Variants in DNAJC5B observed in about 807,000 individuals in gnomAD.
DNAJC5B encodes DnaJ heat shock protein family (Hsp40) member C5 beta.
A neutral mutation model predicts 24.7 loss-of-function variants in DNAJC5B; 23 were observed. The observed-to-expected ratio is 0.93, with a 90% CI of 0.67 to 1.32. The LOEUF is 1.32. DNAJC5B is among the 40% of genes most tolerant of loss of function. The probability of loss-of-function intolerance (pLI) is 0.00; values close to 1 mark genes in which losing one functional copy is unlikely to be tolerated. For missense variants in DNAJC5B, 238 were observed against 240.8 expected, an observed-to-expected ratio of 0.99 and a Z score of 0.08; for synonymous variants, 101 against 90.1, an observed-to-expected ratio of 1.12 and a Z score of -0.68.
chr8:66,033,627 G>C (rs1302520367), intron 1 of DNAJC5B, among the ~76,000 whole-genome samples: 1 of 152,188 alleles, frequency 6.6e-6, no homozygotes, highest in Admixed American at 6.5e-5. Flanking sequence ...GATCACAGGA[G>C]CAGAGGGTGA....
chr8:66,015,752 T>C, the DNAJC5B span, among the ~76,000 whole-genome samples: 4 of 152,124 alleles, frequency 2.6e-5, no homozygotes, highest in Admixed American at 6.5e-5. Flanking sequence ...CAGATGTGGA[T>C]GTATTTAGAG....
intron 2 of DNAJC5B, among the ~76,000 whole-genome samples, chr8:66,050,989 A>G (rs1034924269): frequency 6.6e-6 from 1 of 152,148 alleles, no homozygotes; most frequent in African/African-American, 2.4e-5. Flanking sequence ...TCTACTCCCT[A>G]GCGATTTTCA....
chr8:66,065,377 G>A (rs1807168563), intron 3 of DNAJC5B, among the ~76,000 whole-genome samples: 1 of 152,216 alleles, frequency 6.6e-6, no homozygotes, highest in Non-Finnish European at 1.5e-5. Context: ...GCTGGTCAAA[G>A]TACTTGAATC....
rs897058428 is a variant in DNAJC5B, at chr8:66,080,439, C to T, written c.396C>T (p.Cys132=). ...GCYFCCCLCC[C]CNCCCGHCRP... is the part of the protein sequence containing the mutation. ...ACTTTTGCTGCTGCCTGTGCTGCTGCTGCAACTGCTGCTGTGGACACTGCC... is the reference window on the plus strand; with the variant it reads ...ACTTTTGCTGCTGCCTGTGCTGCTGTTGCAACTGCTGCTGTGGACACTGCC... Residue 132 remains cysteine, a synonymous_variant, in exon 5 of 6, where the codon TGC becomes TGT. Transcript: ENST00000276570. 3.4e-5 allele frequency: 55 copies of T among 1,614,008 alleles called. No individual in the cohort carries two copies. The highest frequency in any genetic ancestry group is 4.2e-5 in the Non-Finnish European group (50 of 1,180,030).
intron 3 of DNAJC5B, among the ~76,000 whole-genome samples, chr8:66,074,757 C>A (rs1186908278): frequency 1.3e-5 from 2 of 152,190 alleles, no homozygotes; most frequent in African/African-American, 4.8e-5. Context: ...ATTGCACGAC[C>A]ACCTCCTTGA....
intron 3 of DNAJC5B, among the ~76,000 whole-genome samples, chr8:66,061,042 T>C (rs113996217): frequency 0.016 from 2,379 of 152,282 alleles, 52 homozygotes; most frequent in African/African-American, 0.054. Context: ...GCTGGAAGTT[T>C]TACATTCTCT....
At chr8:66,036,925 C>G (rs533054345) in intron 1 of DNAJC5B, among the ~76,000 whole-genome samples, 1 of 152,176 alleles carries the variant, frequency 6.6e-6, no homozygotes, top group Non-Finnish European at 1.5e-5. Flanking sequence ...GCCTGCCCTC[C>G]CACCCAGTCC....
chr8:66,029,889 G>T (rs1231770070), intron 1 of DNAJC5B, among the ~76,000 whole-genome samples: 1 of 152,078 alleles, frequency 6.6e-6, no homozygotes. Flanking sequence ...GTGGTCGAGA[G>T]CCCCTCAGAC....
intron 1 of DNAJC5B, among the ~76,000 whole-genome samples, chr8:66,032,838 A>C (rs1169386437): frequency 1.3e-5 from 2 of 152,170 alleles, no homozygotes; most frequent in Admixed American, 1.3e-4. Context: ...AACACTGTCT[A>C]GTTCTAAACA....
chr8:66,096,040 G>T (rs1482659348), intron 5 of DNAJC5B, among the ~76,000 whole-genome samples: 1 of 152,142 alleles, frequency 6.6e-6, no homozygotes, highest in African/African-American at 2.4e-5. Context: ...ATATTAGTTT[G>T]CTAAGGCAGC....
intron 1 of DNAJC5B, among the ~76,000 whole-genome samples, chr8:66,022,615 T>G (rs951972171): frequency 1.3e-5 from 2 of 152,230 alleles, no homozygotes; most frequent in Admixed American, 1.3e-4. Flanking sequence ...AGATGGATTC[T>G]CTATCCACAG....
intron 2 of DNAJC5B, among the ~76,000 whole-genome samples, chr8:66,044,465 G>A (rs534272570): frequency 5.9e-5 from 9 of 151,772 alleles, no homozygotes; most frequent in Admixed American, 1.3e-4. Context: ...TATAGGTGAA[G>A]CTTCTTTTGC....
chr8:66,068,957 C>A (rs992984176), intron 3 of DNAJC5B, among the ~76,000 whole-genome samples: 1 of 152,046 alleles, frequency 6.6e-6, no homozygotes, highest in African/African-American at 2.4e-5. Flanking sequence ...AAGAAGGTAA[C>A]TGATAACCTA....
At chr8:66,068,604 A>G (rs1196113740) in intron 3 of DNAJC5B, among the ~76,000 whole-genome samples, 1 of 124,750 alleles carries the variant, frequency 8.0e-6, no homozygotes, top group East Asian at 4.0e-4. Context: ...TAAAAAACAT[A>G]GAAGATTTAT....
chr8:66,038,913 G>C (rs1465278789), intron 1 of DNAJC5B, among the ~76,000 whole-genome samples: 1 of 152,198 alleles, frequency 6.6e-6, no homozygotes, highest in South Asian at 2.1e-4. Flanking sequence ...CCAAGACTCA[G>C]TCAATATTTT....
chr8:66,043,170 T>C (rs2128958294), intron 1 of DNAJC5B, among the ~76,000 whole-genome samples: 1 of 152,292 alleles, frequency 6.6e-6, no homozygotes, highest in Middle Eastern at 3.4e-3. Context: ...TAGTGAGCAG[T>C]TAAAGTTTCC....
Position 66,099,988 on chromosome 8 carries a change from A to C in DNAJC5B, c.557A>C (p.Gln186Pro). ...CCTACAAATGCAAATGAGAAAACAC[A>C]GCTAATCAAAGAAGGATCTCGAAGT... ...LQPTNANEKT[Q>P]LIKEGSRSYC... Residue 186 changes from glutamine to proline, a missense_variant, in exon 6 of 6, where the codon CAG (glutamine) becomes CCG (proline). Coordinates refer to ENST00000276570, the MANE Select transcript of DNAJC5B (RefSeq NM_033105.6). The C allele has an allele frequency of 6.2e-7, 1 of 1,614,072 alleles. No homozygotes were observed. Among genetic ancestry groups the C allele is most frequent in the Non-Finnish European group, 8.5e-7 (1 of 1,179,950 alleles).
intron 3 of DNAJC5B, among the ~76,000 whole-genome samples, chr8:66,074,639 A>G (rs1807422096): frequency 6.6e-6 from 1 of 152,236 alleles, no homozygotes; most frequent in East Asian, 1.9e-4. Flanking sequence ...AATGCCTTTA[A>G]CAATGGATAG....
intron 1 of DNAJC5B, among the ~76,000 whole-genome samples, chr8:66,022,034 CA>C (rs1269647608): frequency 6.6e-6 from 1 of 152,086 alleles, no homozygotes; most frequent in African/African-American, 2.4e-5. Context: ...ATAAAAGGTG[CA>C]AAGTTGTATT....
Sources: gnomAD v4.1 joint callset for allele counts (sites outside exome capture counted in the v4.1 genomes callset) on GRCh38, gnomAD v4.1.1 for gene constraint, MANE v1.5 for transcripts, NCBI Gene and HGNC (gene_info 2026-07-23, HGNC 2026-07-21) for gene names.